The following OVAAL variants were observed in gnomAD, a reference collection of about 807,000 sequenced individuals.
OVAAL encodes the protein ovarian adenocarcinoma amplified long non-coding RNA, also known as long intergenic non-protein coding RNA 1131.
At chr1:180,561,429 T>A (rs542728527) in intron 1 of OVAAL, among the ~76,000 whole-genome samples, 11 of 152,056 alleles carry the variant, frequency 7.2e-5, no homozygotes, top group African/African-American at 2.7e-4. Context: ...AGGAGATGGG[T>A]GGAGCACACA....
chr1:180,565,640 C>G (rs886356402), exon 3 of OVAAL: 6 of 152,184 alleles, frequency 3.9e-5, no homozygotes, highest in African/African-American at 1.4e-4. Flanking sequence ...TGAATAAACT[C>G]TGGACAATGA....
intron 1 of OVAAL, among the ~76,000 whole-genome samples, chr1:180,561,386 G>T (rs1653196407): frequency 6.6e-6 from 1 of 152,132 alleles, no homozygotes; most frequent in Non-Finnish European, 1.5e-5. Flanking sequence ...TTTGCTGTCA[G>T]AACAATCCAG....
Position 180,560,801 on chromosome 1 carries a change from AAAT to A in OVAAL, n.373-1398_373-1396del, listed in dbSNP as rs542216391. On this transcript the variant is annotated intron_variant and non_coding_transcript_variant, in intron 1 of 2. Transcript: ENST00000673955. ...GTTAGTACTAACCTAACAGCTTATAAAATAATACTTCTATAGTTAGTAACTTAC... is the reference window on the plus strand; with the variant it reads ...GTTAGTACTAACCTAACAGCTTATAAAATACTTCTATAGTTAGTAACTTAC... Among the ~76,000 whole-genome samples, 3 of 152,368 alleles carry A rather than the reference AAAT, an allele frequency of 2.0e-5. No homozygotes were observed. In the South Asian group the frequency reaches 6.2e-4, roughly 32 times the overall value.
At chr1:180,563,568 T>TA (rs1411827940) in intron 2 of OVAAL, among the ~76,000 whole-genome samples, 2 of 152,170 alleles carry the variant, frequency 1.3e-5, no homozygotes, top group African/African-American at 4.8e-5. Flanking sequence ...CTTAGGGTTT[T>TA]ATATGTTGGC....
chr1:180,564,718 G>C (rs1458133318), intron 2 of OVAAL, among the ~76,000 whole-genome samples: 3 of 152,112 alleles, frequency 2.0e-5, no homozygotes, highest in African/African-American at 7.2e-5. Context: ...GAGCTTAGTA[G>C]ATAAGCATCT....
chr1:180,561,462 A>C (rs1327778408), intron 1 of OVAAL, among the ~76,000 whole-genome samples: 1 of 116,300 alleles, frequency 8.6e-6, no homozygotes, highest in South Asian at 3.0e-4. Flanking sequence ...GGAACAGGAG[A>C]TCCATGGATA....
At chr1:180,561,690 T>C (rs1653207533) in intron 1 of OVAAL, among the ~76,000 whole-genome samples, 1 of 151,944 alleles carries the variant, frequency 6.6e-6, no homozygotes, top group Non-Finnish European at 1.5e-5. Context: ...GACCAGCAAG[T>C]GGGTATGGTC....
chr1:180,560,036 C>T (rs1013027881), intron 1 of OVAAL, among the ~76,000 whole-genome samples: 8 of 152,064 alleles, frequency 5.3e-5, no homozygotes, highest in African/African-American at 1.7e-4. Context: ...CATGCTTTGT[C>T]TCCTTTAACC....
At chr1:180,565,550 A>T (rs1653275628) in exon 3 of OVAAL, 1 of 152,198 alleles carries the variant, frequency 6.6e-6, no homozygotes, top group Non-Finnish European at 1.5e-5. Flanking sequence ...GGTAATAAGA[A>T]GGGCCTGGCA....
intron 2 of OVAAL, among the ~76,000 whole-genome samples, chr1:180,564,584 C>A (rs1275144604): frequency 6.6e-6 from 1 of 152,050 alleles, no homozygotes; most frequent in Non-Finnish European, 1.5e-5. Context: ...CCAATTGGAC[C>A]AGTCACCTGA....
rs1336784088 is a variant in OVAAL, at chr1:180,561,800, A to G, written n.373-404A>G. Among the ~76,000 whole-genome samples the G allele has an allele frequency of 2.6e-5, 4 of 152,142 alleles. No individual in the cohort carries two copies. In the East Asian group the frequency reaches 7.7e-4, roughly 29 times the overall value. ...CACTTTGGGAGGCAGAGGCTGGCAGATAACCTGAGGTCAGGAGTTTGAGAT... is the reference window on the plus strand; with the variant it reads ...CACTTTGGGAGGCAGAGGCTGGCAGGTAACCTGAGGTCAGGAGTTTGAGAT... On this transcript the variant is annotated intron_variant and non_coding_transcript_variant, in intron 1 of 2. Transcript: ENST00000673955.
chr1:180,563,954 C>T (rs928566392), intron 2 of OVAAL, among the ~76,000 whole-genome samples: 1 of 152,084 alleles, frequency 6.6e-6, no homozygotes, highest in Non-Finnish European at 1.5e-5. Context: ...ACCCGATGGT[C>T]GCCTGACTTT....
chr1:180,561,662 T>C (rs1211136228), intron 1 of OVAAL, among the ~76,000 whole-genome samples: 1 of 152,154 alleles, frequency 6.6e-6, no homozygotes, highest in Non-Finnish European at 1.5e-5. Context: ...CCCCAACAAG[T>C]TGGTCTGGAA....
chr1:180,566,153 A>G (rs971010556), exon 3 of OVAAL: 1 of 152,212 alleles, frequency 6.6e-6, no homozygotes, highest in Non-Finnish European at 1.5e-5. Flanking sequence ...GCAGATGTGC[A>G]AGAGTATTTG....
intron 2 of OVAAL, among the ~76,000 whole-genome samples, chr1:180,564,155 C>T (rs1653256222): frequency 2.0e-5 from 3 of 152,058 alleles, no homozygotes; most frequent in African/African-American, 7.2e-5. Flanking sequence ...TACAGCCATC[C>T]AACTCATATA....
chr1:180,566,260 G>A (rs944716964), exon 3 of OVAAL: 20 of 152,202 alleles, frequency 1.3e-4, no homozygotes, highest in African/African-American at 3.6e-4. Context: ...GCCCAGAGGC[G>A]GCTGCAACGT....
chr1:180,565,290 G>T (rs36042660), exon 3 of OVAAL: 1,912 of 152,446 alleles, frequency 0.013, 21 homozygotes, highest in Non-Finnish European at 0.017. Context: ...CATCCTATTG[G>T]CTTGGACTGA....
chr1:180,566,106 C>T (rs755706279), exon 3 of OVAAL: 3 of 152,160 alleles, frequency 2.0e-5, no homozygotes, highest in African/African-American at 7.2e-5. Context: ...CAAATCTGTT[C>T]AGAAGGAATC....
At chr1:180,562,884 TG>T (rs1653232118) in intron 2 of OVAAL, among the ~76,000 whole-genome samples, 1 of 152,220 alleles carries the variant, frequency 6.6e-6, no homozygotes, top group Admixed American at 6.5e-5. Flanking sequence ...TAGTGTTGAG[TG>T]TGTTCATCTG....
Sources: gnomAD v4.1 joint callset for allele counts (sites outside exome capture counted in the v4.1 genomes callset) on GRCh38, gnomAD v4.1.1 for gene constraint, MANE v1.5 for transcripts, NCBI Gene and HGNC (gene_info 2026-07-23, HGNC 2026-07-21) for gene names.